TADA2A: variants seen among roughly 807,000 people sequenced by gnomAD.
The protein encoded by TADA2A is transcriptional adapter 2-alpha.
Under a neutral mutation model 67.4 loss-of-function variants are expected in TADA2A, and 38 were observed. The ratio of observed to expected loss-of-function variants is 0.56; its 90% CI spans 0.44 to 0.74. The LOEUF is 0.74. Among genes scored for constraint, TADA2A ranks in the 30% least tolerant of loss-of-function variants. TADA2A has a pLI of 0.00. For synonymous variants in TADA2A, 192 were observed against 181.6 expected (o/e 1.06, Z -0.46); for missense variants, 454 against 547.0 (o/e 0.83, Z 1.70).
chr17:37,413,748 C>T (rs1040152350), intron 2 of TADA2A, among the ~76,000 whole-genome samples: 2 of 151,786 alleles, frequency 1.3e-5, no homozygotes, highest in Non-Finnish European at 2.9e-5. Context: ...AGATGATTCC[C>T]CCCCCACCCC....
At position 37,442,545 on chromosome 17, in the gene TADA2A, A is replaced by G. The variant is rs370342795; in HGVS notation, c.443-19A>G. The G allele has an allele frequency of 1.6e-5, 26 of 1,604,154 alleles. No individual in the cohort carries two copies. Among genetic ancestry groups the G allele is most frequent in the Non-Finnish European group, 2.2e-5 (26 of 1,172,488 alleles). The stretch of plus-strand genomic sequence containing the variant: ...CAATATTGTATTAGTTAACTCAGAA[A>G]CCTTCTAAATTCTTCCAGCTACAGA... On this transcript the variant is annotated intron_variant, in intron 6 of 15. Coordinates refer to ENST00000615182, the MANE Select transcript of TADA2A (RefSeq NM_001166105.3).
At chr17:37,410,092 C>A (rs9916113) in intron 1 of TADA2A, among the ~76,000 whole-genome samples, 19,295 of 151,758 alleles carry the variant, frequency 0.13, 1,431 homozygotes, top group East Asian at 0.26. Flanking sequence ...ACACAAGAAT[C>A]AAAAATGAGA....
intron 8 of TADA2A, among the ~76,000 whole-genome samples, chr17:37,452,046 A>G (rs555837057): frequency 3.9e-5 from 6 of 152,246 alleles, no homozygotes; most frequent in African/African-American, 1.4e-4. Context: ...CTGGCTCTTC[A>G]AGACATTTTC....
intron 8 of TADA2A, among the ~76,000 whole-genome samples, chr17:37,449,729 C>A (rs2053180937): frequency 6.6e-6 from 1 of 151,930 alleles, no homozygotes; most frequent in Non-Finnish European, 1.5e-5. Flanking sequence ...AAACTATCCT[C>A]CCACCTCAGC....
intron 8 of TADA2A, among the ~76,000 whole-genome samples, chr17:37,449,432 TAA>T: frequency 6.6e-6 from 1 of 152,312 alleles, no homozygotes; most frequent in South Asian, 2.1e-4. Flanking sequence ...TCATATATAT[TAA>T]GTCATTTAAT....
In TADA2A at chr17:37,465,507, A is replaced by T. The variant is rs1446112266; in HGVS notation, c.789A>T (p.Pro263=). The T allele has an allele frequency of 6.2e-7, 1 of 1,614,188 alleles. No individual in the cohort carries two copies. The highest frequency in any genetic ancestry group is 2.2e-5 in the East Asian group (1 of 44,876). ...GGCGATTTGCAAGAATTGTGGGGCC[A>T]GTGGAACATGACAAATTCATTGAAA... is the stretch of plus-strand genomic sequence containing the variant. ...TMRRFARIVG[P]VEHDKFIESH... The change falls in exon 11 of 16, where the codon CCA becomes CCT. Residue 263 remains proline, a synonymous_variant. Transcript: ENST00000615182.
At chr17:37,475,171 T>TA (rs2053867426) in intron 15 of TADA2A, among the ~76,000 whole-genome samples, 2 of 151,944 alleles carry the variant, frequency 1.3e-5, no homozygotes, top group African/African-American at 4.8e-5. Flanking sequence ...TTTTATTTTT[T>TA]TTTATTTATT....
At chr17:37,438,225 G>A (rs1230490834) in intron 5 of TADA2A, among the ~76,000 whole-genome samples, 1 of 152,228 alleles carries the variant, frequency 6.6e-6, no homozygotes, top group African/African-American at 2.4e-5. Flanking sequence ...TCATACGTAA[G>A]ATTCAAGTTT....
intron 4 of TADA2A, among the ~76,000 whole-genome samples, chr17:37,434,880 TC>T (rs1268089823): frequency 6.6e-6 from 1 of 152,218 alleles, no homozygotes; most frequent in East Asian, 1.9e-4. Flanking sequence ...CTCAAAATAT[TC>T]CATTTTTAGT....
At position 37,432,458 on chromosome 17, in the gene TADA2A, C is replaced by T. The variant is rs190998532; in HGVS notation, c.193-5280C>T. Among the ~76,000 whole-genome samples, 89 of 152,208 alleles carry T rather than the reference C, an allele frequency of 5.8e-4. 1 individual carries two copies. Among genetic ancestry groups the T allele is most frequent in the African/African-American group, 1.8e-3 (74 of 41,524 alleles). On this transcript the variant is annotated intron_variant, in intron 4 of 15. Coordinates refer to ENST00000615182, the MANE Select transcript of TADA2A (RefSeq NM_001166105.3). ...CTGGGATTACAGGTGTGAGCCACCGCGCCTGGACTCACTCAGCATGCTTTT... is the reference window on the plus strand; with the variant it reads ...CTGGGATTACAGGTGTGAGCCACCGTGCCTGGACTCACTCAGCATGCTTTT...
intron 4 of TADA2A, among the ~76,000 whole-genome samples, chr17:37,432,239 A>G (rs2052592012): frequency 6.6e-6 from 1 of 151,656 alleles, no homozygotes; most frequent in Non-Finnish European, 1.5e-5. Flanking sequence ...ATCTCGGCTC[A>G]CTGCAACCTC....
At chr17:37,415,237 T>TA (rs2052004504) in intron 2 of TADA2A, among the ~76,000 whole-genome samples, 1 of 152,144 alleles carries the variant, frequency 6.6e-6, no homozygotes, top group South Asian at 2.1e-4. Flanking sequence ...TTTGTACTTT[T>TA]AAAAAAATTC....
chr17:37,473,870 C>T (rs2053842427), intron 14 of TADA2A, among the ~76,000 whole-genome samples: 1 of 152,194 alleles, frequency 6.6e-6, no homozygotes, highest in African/African-American at 2.4e-5. Context: ...CTTTTGCTGG[C>T]CTAACAGTCT....
At chr17:37,475,496 A>G (rs772148072) in intron 15 of TADA2A, among the ~76,000 whole-genome samples, 3 of 143,892 alleles carry the variant, frequency 2.1e-5, no homozygotes, top group Non-Finnish European at 3.0e-5. Flanking sequence ...TTTTTATTTG[A>G]AAGTCTCGCT....
At chr17:37,424,050 AATTTTTCAT>A (rs2052329321) in intron 3 of TADA2A, among the ~76,000 whole-genome samples, 1 of 151,276 alleles carries the variant, frequency 6.6e-6, no homozygotes, top group Non-Finnish European at 1.5e-5. Flanking sequence ...ACCCGGCCCC[AATTTTTCAT>A]TATACGTTTT....
intron 4 of TADA2A, among the ~76,000 whole-genome samples, chr17:37,433,046 G>T (rs1457045880): frequency 6.7e-6 from 1 of 148,334 alleles, no homozygotes; most frequent in Non-Finnish European, 1.5e-5. Flanking sequence ...ATTCTGTATG[G>T]GTTTTCCTTC....
At chr17:37,417,613 C>T (rs1037062586) in intron 2 of TADA2A, among the ~76,000 whole-genome samples, 2 of 151,942 alleles carry the variant, frequency 1.3e-5, no homozygotes, top group African/African-American at 2.4e-5. Context: ...CAGCTCACTG[C>T]CATCTCTGCC....
intron 8 of TADA2A, among the ~76,000 whole-genome samples, chr17:37,457,176 CTT>C (rs34125875): frequency 9.4e-5 from 10 of 105,966 alleles, no homozygotes; most frequent in Non-Finnish European, 1.5e-4. Context: ...AATCATTATT[CTT>C]TTTTTTTTTT....
chr17:37,433,632 C>G (rs2052635624), intron 4 of TADA2A, among the ~76,000 whole-genome samples: 1 of 151,948 alleles, frequency 6.6e-6, no homozygotes, highest in African/African-American at 2.4e-5. Context: ...GCACTCCAGC[C>G]TGGTCAACCC....
Sources: gnomAD v4.1 joint callset for allele counts (sites outside exome capture counted in the v4.1 genomes callset) on GRCh38, gnomAD v4.1.1 for gene constraint, MANE v1.5 for transcripts, NCBI Gene and HGNC (gene_info 2026-07-23, HGNC 2026-07-21) for gene names.